Variants in SETX observed in about 807,000 individuals in gnomAD.
SETX encodes the protein senataxin.
A neutral mutation model predicts 227.2 loss-of-function variants in SETX; 90 were observed. The observed-to-expected ratio is 0.40, with a 90% CI of 0.33 to 0.47. SETX has a LOEUF of 0.47. Ranked by LOEUF, SETX falls within the 20% of genes least tolerant of loss-of-function variation. The pLI is 0.91. For missense variants in SETX, 3,052 were observed against 3,181.5 expected (o/e 0.96, Z 0.98); for synonymous variants, 1,210 against 1,113.2 (o/e 1.09, Z -1.73).
Position 132,330,270 on chromosome 9 carries a change from A to G in SETX, c.1328T>C (p.Val443Ala), listed in dbSNP as rs1847140026. ...ACACACAGCATCTGTTTGGTTGAGG[A>G]CTTCTTTGACTTCAGAGTACAGATG... The part of the protein sequence containing the change: ...VNHLYSEVKE[V>A]LNQTDAVCDK... Residue 443 changes from valine (V) to alanine (A), a missense_variant, in exon 10 of 26, where the codon GTC becomes GCC. Val to Ala is a moderately conservative substitution (Grantham distance 64). Coordinates refer to ENST00000224140, the MANE Select transcript of SETX (RefSeq NM_015046.7). 2.5e-6 allele frequency: 4 copies of G among 1,583,718 alleles called. No homozygotes were observed. The East Asian group carries it at 6.7e-5, about 27-fold the overall frequency.
Position 132,328,645 on chromosome 9 carries a change from A to G in SETX, c.2953T>C (p.Ser985Pro), listed in dbSNP as rs1847014248. The G allele has an allele frequency of 6.2e-7, 1 of 1,613,156 alleles. No homozygotes were observed. The highest frequency in any genetic ancestry group is 1.7e-5 in the Admixed American group (1 of 59,900). ...TCTTTTACTTTCCTTTGCAGCTGCG[A>G]TGAGTTCTGAGGTGAATCGGATGGG... ...TFPSDSPQNSSQLQRKVKEDK... is the reference protein window; with the variant it reads ...TFPSDSPQNSPQLQRKVKEDK... Residue 985 changes from serine to proline, a missense_variant, in exon 10 of 26, where the codon TCG (serine) becomes CCG (proline). Transcript: ENST00000224140.
chr9:132,284,243 T>C (rs978314268), intron 18 of SETX, among the ~76,000 whole-genome samples: 9 of 152,160 alleles, frequency 5.9e-5, no homozygotes, highest in African/African-American at 1.9e-4. Flanking sequence ...ACAGAACACA[T>C]GTGATGAGCA....
Position 132,326,897 on chromosome 9 carries a change from T to C in SETX, c.4701A>G (p.Lys1567=). The C allele has an allele frequency of 1.2e-6, 2 of 1,614,190 alleles. No homozygotes were observed. Among genetic ancestry groups the C allele is most frequent in the Non-Finnish European group, 1.7e-6 (2 of 1,180,030 alleles). The part of the protein sequence containing the change: ...TTKNQGEYCP[K]HSEVKAADED... ...CATCTGCTGCTTTCACTTCAGAGTG[T>C]TTTGGGCAGTATTCACCCTGGTTTT... The change falls in exon 10 of 26, where the codon AAA becomes AAG. Residue 1567 remains lysine (K), a synonymous_variant. Coordinates refer to ENST00000224140, the MANE Select transcript of SETX (RefSeq NM_015046.7).
At position 132,328,399 on chromosome 9, in the gene SETX, T is replaced by A. The variant is rs1355488297; in HGVS notation, c.3199A>T (p.Thr1067Ser). Residue 1067 changes from threonine to serine, a missense_variant, in exon 10 of 26, where the codon ACA (threonine) becomes TCA (serine). By Grantham distance (58) the Thr-to-Ser change is moderately conservative. Around this residue, in one of 10 missense-constraint regions of SETX, gnomAD observed 1,483 missense variants for 1,312.0 expected, o/e 1.13. Transcript: ENST00000224140. ...EEKNPVKEEK[T>S]ETLFQFEESD... Reference sequence around the variant, plus strand: ...TCCTCAAACTGAAAAAGAGTCTCTGTCTTTTCTTCCTTTACTGGATTCTTT... The same window carrying A: ...TCCTCAAACTGAAAAAGAGTCTCTGACTTTTCTTCCTTTACTGGATTCTTT... 1.2e-6 allele frequency: 2 copies of A among 1,613,906 alleles called. No individual in the cohort carries two copies. The highest frequency in any genetic ancestry group is 1.3e-5 in the African/African-American group (1 of 74,912).
intron 2 of SETX, among the ~76,000 whole-genome samples, chr9:132,350,648 G>C (rs919083419): frequency 3.1e-4 from 47 of 151,964 alleles, no homozygotes; most frequent in African/African-American, 1.1e-3. Flanking sequence ...CATATGAATT[G>C]ATTTTTTAAA....
chr9:132,347,166 C>T (rs948814662), intron 3 of SETX, among the ~76,000 whole-genome samples: 1 of 151,646 alleles, frequency 6.6e-6, no homozygotes, highest in Non-Finnish European at 1.5e-5. Context: ...GCAGGAGAAT[C>T]GCTTGAACCC....
Position 132,330,364 on chromosome 9 carries a change from T to A in SETX, c.1234A>T (p.Ile412Phe). The change falls in exon 10 of 26, where the codon ATC becomes TTC. Residue 412 changes from isoleucine (I) to phenylalanine (F), a missense_variant. Physicochemically the swap from Ile to Phe is conservative, Grantham distance 21. Coordinates refer to ENST00000224140, the MANE Select transcript of SETX (RefSeq NM_015046.7). ...TCCATGAGGGACTGGACAAAAGGGA[T>A]GAACCATAGAAATGTGCTGTTATGA... is the stretch of plus-strand genomic sequence containing the variant. ...RVHNSTFLWF[I>F]PFVQSLMDLK... 1 of 1,614,180 alleles carries A rather than the reference T, an allele frequency of 6.2e-7. No homozygotes were observed. The highest frequency in any genetic ancestry group is 8.5e-7 in the Non-Finnish European group (1 of 1,180,012).
intron 5 of SETX, among the ~76,000 whole-genome samples, chr9:132,338,180 C>T (rs1412611516): frequency 1.3e-5 from 2 of 151,618 alleles, no homozygotes; most frequent in Non-Finnish European, 2.9e-5. Context: ...CAACCTCTGC[C>T]TCCTGGGGTC....
In SETX at chr9:132,331,368, G is replaced by C. The variant is rs368929222; in HGVS notation, c.919C>G (p.Gln307Glu). The change falls in exon 8 of 26, where the codon CAA becomes GAA. Residue 307 changes from glutamine to glutamate, a missense_variant. Gln to Glu is a conservative substitution (Grantham distance 29). Coordinates refer to ENST00000224140, the MANE Select transcript of SETX (RefSeq NM_015046.7). Reference protein sequence around the residue: ...LDRLGSKVWGQLMDPIVAFQT... With the variant: ...LDRLGSKVWGELMDPIVAFQT... ...AATGCCACAATAGGATCCATAAGTTGACCCCAGACCTTAGATCCAAGGCGA... is the reference window on the plus strand; with the variant it reads ...AATGCCACAATAGGATCCATAAGTTCACCCCAGACCTTAGATCCAAGGCGA... The C allele has an allele frequency of 1.2e-6, 2 of 1,613,836 alleles. No homozygotes were observed. The highest frequency in any genetic ancestry group is 1.7e-6 in the Non-Finnish European group (2 of 1,179,984).
At chr9:132,302,296 G>A (rs2131313127) in intron 11 of SETX, among the ~76,000 whole-genome samples, 1 of 143,314 alleles carries the variant, frequency 7.0e-6, no homozygotes, top group Non-Finnish European at 1.5e-5. Context: ...GGCGGAGCTT[G>A]CAGTGAGCCG....
At chr9:132,351,294 A>G (rs1848589976) in intron 2 of SETX, among the ~76,000 whole-genome samples, 2 of 152,226 alleles carry the variant, frequency 1.3e-5, no homozygotes, top group African/African-American at 4.8e-5. Context: ...TAAGCTTTAA[A>G]AAACTTAAGT....
chr9:132,268,125 T>C (rs146698345), intron 25 of SETX, among the ~76,000 whole-genome samples: 11 of 152,386 alleles, frequency 7.2e-5, no homozygotes, highest in Non-Finnish European at 1.5e-4. Context: ...AACACTCAGA[T>C]GCTTATGGTC....
At chr9:132,343,763 C>CA (rs891532719) in intron 4 of SETX, among the ~76,000 whole-genome samples, 5 of 151,796 alleles carry the variant, frequency 3.3e-5, no homozygotes, top group African/African-American at 1.2e-4. Context: ...GTTTGACTTG[C>CA]AAAAAAACAT....
chr9:132,311,729 A>T, intron 11 of SETX, 28 bp downstream of exon 11: 1 of 1,438,466 alleles, frequency 7.0e-7, no homozygotes, highest in Non-Finnish European at 9.8e-7. Context: ...TATATCATAT[A>T]TTCCAAGTTG....
intron 5 of SETX, among the ~76,000 whole-genome samples, 174 bp from the exon 6 acceptor site, chr9:132,336,689 CA>C (rs1031613108): frequency 3.3e-5 from 5 of 152,160 alleles, no homozygotes; most frequent in Non-Finnish European, 2.9e-5. Context: ...CCCTAATAAA[CA>C]GTTTTAGACA....
rs763555500 is a variant in SETX at position 132,295,957 on chromosome 9, T to G, written c.6021A>C (p.Ala2007=). The change falls in exon 15 of 26, where the codon GCA becomes GCC. Residue 2007 remains alanine (A), a synonymous_variant. Coordinates refer to ENST00000224140, the MANE Select transcript of SETX (RefSeq NM_015046.7). ...GTTCATCAACAGCTGCATTGGAAGG[T>G]GCACACACGAGGACACGGTTTTGTT... The part of the protein sequence containing the change: ...KIKQNRVLVC[A]PSNAAVDELM... The G allele has an allele frequency of 6.2e-7, 1 of 1,614,202 alleles. No individual in the cohort carries two copies. The highest frequency in any genetic ancestry group is 1.1e-5 in the South Asian group (1 of 91,088).
In SETX at chr9:132,327,463, G is replaced by A; in HGVS notation, c.4135C>T (p.His1379Tyr). 6.2e-7 allele frequency: 1 copy of A among 1,614,132 alleles called. No individual in the cohort carries two copies. Among genetic ancestry groups the A allele is most frequent in the Non-Finnish European group, 8.5e-7 (1 of 1,180,034 alleles). Reference protein sequence around the residue: ...ESTDVKRAGSHTAQNSDIFVP... With the variant: ...ESTDVKRAGSYTAQNSDIFVP... ...AATATGTCAGAATTCTGTGCTGTAT[G>A]TGACCCTGCTCTTTTAACATCTGTA... is the stretch of plus-strand genomic sequence containing the variant. Residue 1379 changes from histidine to tyrosine, a missense_variant, in exon 10 of 26, where the codon CAT becomes TAT. By Grantham distance (83) the His-to-Tyr change is moderately conservative. This residue lies in a region of SETX where 1,483 missense variants were observed against 1,312.0 expected (regional missense o/e 1.13). Transcript: ENST00000224140.
Position 132,298,119 on chromosome 9 carries a change from G to A in SETX, c.5742C>T (p.Phe1914=), listed in dbSNP as rs763922785. ...TTGTAGTCAGTAAATCTTTTGTACA[G>A]AAGTCCATAGGGTTTGGATTCAGAA... The part of the protein sequence containing the change: ...RAVLNPNPMD[F]CTKDLLTTTS... The change falls in exon 13 of 26, where the codon TTC becomes TTT. Residue 1914 remains phenylalanine (F), a synonymous_variant. Coordinates refer to ENST00000224140, the MANE Select transcript of SETX (RefSeq NM_015046.7). The A allele has an allele frequency of 2.5e-6, 4 of 1,613,920 alleles. No individual in the cohort carries two copies. Among genetic ancestry groups the A allele is most frequent in the African/African-American group, 2.7e-5 (2 of 74,890 alleles).
At chr9:132,267,315 A>T (rs1741854713) in intron 25 of SETX, among the ~76,000 whole-genome samples, 1 of 152,214 alleles carries the variant, frequency 6.6e-6, no homozygotes, top group African/African-American at 2.4e-5. Flanking sequence ...TCTCACTCAG[A>T]TCTCTAGAGA....
Sources: gnomAD v4.1 joint callset for allele counts (sites outside exome capture counted in the v4.1 genomes callset) on GRCh38, gnomAD v4.1.1 for gene constraint, gnomAD v4.1.1 regional missense constraint, MANE v1.5 for transcripts, NCBI Gene and HGNC (gene_info 2026-07-23, HGNC 2026-07-21) for gene names.